MEF2A: variants seen among roughly 807,000 people sequenced by gnomAD.
MEF2A encodes the protein myocyte-specific enhancer factor 2A.
In MEF2A, 28 loss-of-function variants were observed where a neutral mutation model predicts 55.8. The ratio of observed to expected loss-of-function variants is 0.50; its 90% CI spans 0.37 to 0.69. The LOEUF (loss-of-function observed/expected upper bound fraction) is 0.69. Ranked by LOEUF, MEF2A falls within the 30% of genes least tolerant of loss-of-function variation. The pLI is 0.00. For synonymous variants in MEF2A, 239 were observed against 227.1 expected, an observed-to-expected ratio of 1.05 and a Z score of -0.47; for missense variants, 528 against 626.2, an observed-to-expected ratio of 0.84 and a Z score of 1.67.
intron 3 of MEF2A, among the ~76,000 whole-genome samples, chr15:99,634,610 A>G (rs2043455623): frequency 6.6e-6 from 1 of 152,228 alleles, no homozygotes. Flanking sequence ...TTTAAATTGG[A>G]CATAGCTAAA....
chr15:99,633,632 C>G (rs1196628839), intron 3 of MEF2A, among the ~76,000 whole-genome samples: 1 of 151,988 alleles, frequency 6.6e-6, no homozygotes, highest in Non-Finnish European at 1.5e-5. Context: ...ATTTTTTATA[C>G]TTATTGCAAA....
At chr15:99,692,165 G>A (rs2055609294) in intron 8 of MEF2A, among the ~76,000 whole-genome samples, 4 of 152,158 alleles carry the variant, frequency 2.6e-5, no homozygotes, top group Admixed American at 1.3e-4. Flanking sequence ...AGATTCCATA[G>A]CACCTTCATG....
At chr15:99,670,178 T>C (rs2050577130) in intron 4 of MEF2A, among the ~76,000 whole-genome samples, 1 of 152,210 alleles carries the variant, frequency 6.6e-6, no homozygotes, top group Non-Finnish European at 1.5e-5. Context: ...TAATTTATCC[T>C]TTTAAGTACT....
chr15:99,623,880 T>C (rs62040141), intron 2 of MEF2A, among the ~76,000 whole-genome samples: 56,012 of 151,064 alleles, frequency 0.37, 12,636 homozygotes, highest in Non-Finnish European at 0.5. Context: ...CGATCATGGC[T>C]CACTGCAATC....
intron 1 of MEF2A, among the ~76,000 whole-genome samples, chr15:99,590,480 A>C (rs1292102880): frequency 6.7e-6 from 1 of 149,354 alleles, no homozygotes; most frequent in African/African-American, 2.5e-5. Flanking sequence ...TAGATAATAT[A>C]TATTTACTGT....
chr15:99,577,397 T>C lies in MEF2A; in HGVS notation c.-225+11293T>C, dbSNP rs1451174525. ...CATTACTTTATTCAGTCCACTGGGC[T>C]AGGTGCTGCAAGGCTTGGCTTTCAC... On this transcript the variant is annotated intron_variant, in intron 1 of 11. Coordinates refer to ENST00000557942, the MANE Select transcript of MEF2A (RefSeq NM_001319206.4). Among the ~76,000 whole-genome samples the C allele has an allele frequency of 1.2e-4, 7 of 59,266 alleles. No homozygotes were observed. The Admixed American group carries it at 1.3e-3, about 11-fold the overall frequency. 38.9% of individuals were successfully genotyped at this position (59,266 alleles called of 152,430 possible).
chr15:99,669,269 A>G (rs1459313125), intron 4 of MEF2A, among the ~76,000 whole-genome samples: 1 of 152,220 alleles, frequency 6.6e-6, no homozygotes, highest in Non-Finnish European at 1.5e-5. Flanking sequence ...GAGGGGAAAT[A>G]TCAGAGATTT....
intron 1 of MEF2A, among the ~76,000 whole-genome samples, chr15:99,594,500 C>A (rs993690325): frequency 3.7e-5 from 5 of 136,930 alleles, no homozygotes; most frequent in African/African-American, 1.5e-4. Context: ...GTTACCTAGG[C>A]ATGATTGATT....
At chr15:99,591,641 A>T (rs1969320744) in intron 1 of MEF2A, among the ~76,000 whole-genome samples, 1 of 152,104 alleles carries the variant, frequency 6.6e-6, no homozygotes, top group South Asian at 2.1e-4. Flanking sequence ...AGTTCCAATT[A>T]CATTATGTTT....
At chr15:99,569,397 T>G (rs1289472941) in intron 1 of MEF2A, among the ~76,000 whole-genome samples, 8 of 152,230 alleles carry the variant, frequency 5.3e-5, no homozygotes, top group Non-Finnish European at 7.3e-5. Context: ...CCAAAAGGAT[T>G]TCGTATAATG....
chr15:99,698,543 A>G (rs2056862417), intron 8 of MEF2A, among the ~76,000 whole-genome samples: 1 of 152,198 alleles, frequency 6.6e-6, no homozygotes, highest in East Asian at 1.9e-4. Flanking sequence ...CTGTAATCCC[A>G]GCACTTTGGG....
chr15:99,687,725 A>G (rs1330262917), intron 7 of MEF2A, among the ~76,000 whole-genome samples: 4 of 152,178 alleles, frequency 2.6e-5, no homozygotes, highest in Non-Finnish European at 5.9e-5. Flanking sequence ...TTGTGTGGTT[A>G]CCTCTAGTTT....
At chr15:99,646,969 G>A (rs1275174012) in intron 4 of MEF2A, among the ~76,000 whole-genome samples, 1 of 151,974 alleles carries the variant, frequency 6.6e-6, no homozygotes, top group South Asian at 2.1e-4. Flanking sequence ...TATTTATGGG[G>A]CTCACTGCTG....
At chr15:99,645,845 G>T in intron 4 of MEF2A, 81 bp downstream of exon 4, 1 of 1,004,800 alleles carries the variant, frequency 1.0e-6, no homozygotes, top group Non-Finnish European at 1.4e-6. Flanking sequence ...AGAATGACTT[G>T]TACATCTAAA....
At chr15:99,681,869 G>A (rs1455737834) in intron 7 of MEF2A, 1 of 152,190 alleles carries the variant, frequency 6.6e-6, no homozygotes, top group Non-Finnish European at 1.5e-5. Flanking sequence ...CACTGCCTTC[G>A]AACCAGCCCT....
At chr15:99,606,396 C>A (rs1975135686) in intron 2 of MEF2A, among the ~76,000 whole-genome samples, 2 of 151,758 alleles carry the variant, frequency 1.3e-5, no homozygotes, top group Non-Finnish European at 2.9e-5. Flanking sequence ...ATTTTGACTA[C>A]CTTAAAATTA....
chr15:99,683,725 A>T (rs2053679988), intron 7 of MEF2A, among the ~76,000 whole-genome samples: 1 of 151,890 alleles, frequency 6.6e-6, no homozygotes, highest in Non-Finnish European at 1.5e-5. Context: ...AAAAAAAAAA[A>T]AAAAAATTAT....
intron 5 of MEF2A, 109 bp from the exon 6 acceptor site, chr15:99,674,284 A>T: frequency 1.1e-6 from 1 of 946,216 alleles, no homozygotes; most frequent in Non-Finnish European, 1.6e-6. Flanking sequence ...ACCTATCCCT[A>T]TCCTCTACTT....
chr15:99,704,746 G>A (rs28752072), intron 9 of MEF2A, among the ~76,000 whole-genome samples: 2 of 152,192 alleles, frequency 1.3e-5, no homozygotes, highest in Non-Finnish European at 2.9e-5. Context: ...CTTTCACCTA[G>A]TGATTGGACT....
Sources: allele counts gnomAD v4.1 joint callset (sites outside exome capture counted in the v4.1 genomes callset), GRCh38; gene constraint gnomAD v4.1.1; transcripts MANE v1.5; gene names NCBI Gene and HGNC (gene_info 2026-07-23, HGNC 2026-07-21).